The following BCHE variants were observed in gnomAD, a reference collection of about 807,000 sequenced individuals.
BCHE encodes cholinesterase.
A neutral mutation model predicts 51.3 loss-of-function variants in BCHE; 48 were observed. The observed-to-expected ratio is 0.94, with a 90% confidence interval of 0.74 to 1.19. BCHE has a LOEUF of 1.19. Ranked by LOEUF, BCHE falls within the 50% of genes most tolerant of loss-of-function variation. BCHE has a pLI of 0.00. For missense variants in BCHE, 847 were observed against 708.2 expected (o/e 1.20, Z -2.23); for synonymous variants, 251 against 238.0 (o/e 1.05, Z -0.50).
intron 2 of BCHE, among the ~76,000 whole-genome samples, chr3:165,803,254 T>C (rs1713736284): frequency 6.6e-6 from 1 of 152,072 alleles, no homozygotes; most frequent in Admixed American, 6.6e-5. Flanking sequence ...AAACGAAAAG[T>C]CCCATCTTTT....
In BCHE at chr3:165,774,175, A is replaced by C. The variant is rs1409017957; in HGVS notation, c.1685-669T>G. Among the ~76,000 whole-genome samples, 4 of 152,264 alleles carry C rather than the reference A, an allele frequency of 2.6e-5. No homozygotes were observed. The East Asian group carries it at 7.7e-4, about 29-fold the overall frequency. ...GTCTGTATATGTTTAGTATAGATGT[A>C]TTTATTTATCAAATGTTTTTGACTC... On this transcript the variant is annotated intron_variant, in intron 3 of 3. Coordinates refer to ENST00000264381, the MANE Select transcript of BCHE (RefSeq NM_000055.4).
rs1712948148 is a variant in BCHE at position 165,786,289 on chromosome 3, T to A, written c.1540A>T (p.Asn514Tyr). ...TTGAAGACAGGCCAGCTTGTGCTATTGTTCTGAGTCTCATTTGGATTCCTA... is the reference window on the plus strand; with the variant it reads ...TTGAAGACAGGCCAGCTTGTGCTATAGTTCTGAGTCTCATTTGGATTCCTA... The part of the protein sequence containing the change: ...KYGNPNETQN[N>Y]STSWPVFKST... The change falls in exon 3 of 4, where the codon AAT becomes TAT. Residue 514 changes from asparagine (N) to tyrosine (Y), a missense_variant. Transcript: ENST00000264381. 6.2e-7 allele frequency: 1 copy of A among 1,611,570 alleles called. No homozygotes were observed. Among genetic ancestry groups the A allele is most frequent in the Non-Finnish European group, 8.5e-7 (1 of 1,178,306 alleles).
At chr3:165,784,540 C>G (rs1712866341) in intron 3 of BCHE, among the ~76,000 whole-genome samples, 2 of 151,812 alleles carry the variant, frequency 1.3e-5, no homozygotes, top group Non-Finnish European at 1.5e-5. Flanking sequence ...TAGAGCTCAG[C>G]GTTACACAAG....
intron 2 of BCHE, among the ~76,000 whole-genome samples, chr3:165,802,053 T>A (rs138599266): frequency 1.7e-3 from 265 of 152,302 alleles, no homozygotes; most frequent in African/African-American, 6.2e-3. Flanking sequence ...TTCATTAATG[T>A]CCCCAACTTG....
chr3:165,781,429 G>A (rs1712694100), intron 3 of BCHE, among the ~76,000 whole-genome samples: 1 of 152,112 alleles, frequency 6.6e-6, no homozygotes. Context: ...AATGTCCTTT[G>A]CAGGGACATG....
intron 2 of BCHE, among the ~76,000 whole-genome samples, chr3:165,796,576 T>A (rs937214251): frequency 1.3e-5 from 2 of 152,204 alleles, no homozygotes; most frequent in African/African-American, 2.4e-5. Flanking sequence ...CAAATCAAAA[T>A]CTTCACGTAT....
At chr3:165,799,950 C>T (rs565450966) in intron 2 of BCHE, among the ~76,000 whole-genome samples, 1 of 151,940 alleles carries the variant, frequency 6.6e-6, no homozygotes, top group South Asian at 2.1e-4. Flanking sequence ...AAAAATATCC[C>T]ATCCATATTT....
intron 2 of BCHE, among the ~76,000 whole-genome samples, chr3:165,792,619 A>C (rs1300863403): frequency 6.6e-6 from 1 of 152,180 alleles, no homozygotes; most frequent in Admixed American, 6.5e-5. Flanking sequence ...TAATATTAAT[A>C]TAGATTTGAA....
At chr3:165,789,576 A>G (rs1713092089) in intron 2 of BCHE, among the ~76,000 whole-genome samples, 1 of 152,180 alleles carries the variant, frequency 6.6e-6, no homozygotes, top group Non-Finnish European at 1.5e-5. Context: ...AGTAAGCTAT[A>G]GTAATTTTTG....
rs142871548 is a variant in BCHE, at chr3:165,780,651, T to C, written c.1684+5494A>G. On this transcript the variant is annotated intron_variant, in intron 3 of 3. Transcript: ENST00000264381. ...AAGACATTTATGTGGCCAACAAATG[T>C]ATGAAAAAAAGCTCAACATCACTGA... is the stretch of plus-strand genomic sequence containing the variant. Among the ~76,000 whole-genome samples, 1,134 of 151,916 alleles carry C rather than the reference T, an allele frequency of 7.5e-3. 7 individuals are homozygous for C. The highest frequency in any genetic ancestry group is 0.022 in the South Asian group (106 of 4,824).
chr3:165,818,880 T>C (rs1714406169), intron 2 of BCHE, among the ~76,000 whole-genome samples: 1 of 152,052 alleles, frequency 6.6e-6, no homozygotes, highest in Admixed American at 6.6e-5. Context: ...AATAGAGACA[T>C]AGAGGGAACA....
At chr3:165,804,132 A>G (rs1341010192) in intron 2 of BCHE, among the ~76,000 whole-genome samples, 2 of 152,162 alleles carry the variant, frequency 1.3e-5, no homozygotes, top group Non-Finnish European at 1.5e-5. Context: ...GAGAGAGACT[A>G]CACACACATC....
rs145697620 is a variant in BCHE at position 165,829,420 on chromosome 3, C to A, written c.1517+97G>T. Reference sequence around the variant, plus strand: ...AATAGAACAAATAATTAAAACATTTCTGTGTCTTTATACTAAAGTCTACCC... The same window carrying A: ...AATAGAACAAATAATTAAAACATTTATGTGTCTTTATACTAAAGTCTACCC... On this transcript the variant is annotated intron_variant, in intron 2 of 3. Coordinates refer to ENST00000264381, the MANE Select transcript of BCHE (RefSeq NM_000055.4). 1.3e-3 allele frequency: 1,407 copies of A among 1,077,378 alleles called. 17 individuals are homozygous for A. The Admixed American group carries it at 0.015, about 12-fold the overall frequency. The allele number at this position is 1,077,378 out of a possible 1,614,324, so 66.7% of individuals were successfully genotyped here.
chr3:165,775,672 C>G (rs1327898532), intron 3 of BCHE, among the ~76,000 whole-genome samples: 1 of 151,748 alleles, frequency 6.6e-6, no homozygotes, highest in Non-Finnish European at 1.5e-5. Context: ...CATAAATTTA[C>G]ATTTTTTCCT....
chr3:165,836,532 A>T (rs575323480), intron 1 of BCHE, among the ~76,000 whole-genome samples: 1 of 152,012 alleles, frequency 6.6e-6, no homozygotes, highest in East Asian at 1.9e-4. Flanking sequence ...TCATTCATAG[A>T]TTTTATAATC....
At chr3:165,794,471 C>T (rs1713293015) in intron 2 of BCHE, among the ~76,000 whole-genome samples, 1 of 152,130 alleles carries the variant, frequency 6.6e-6, no homozygotes, top group South Asian at 2.1e-4. Flanking sequence ...AATTCAAAAT[C>T]AAGGCATTGG....
In BCHE at chr3:165,829,723, G is replaced by A. The variant is rs1010031255; in HGVS notation, c.1311C>T (p.Phe437=). The change falls in exon 2 of 4, where the codon TTC becomes TTT. Residue 437 remains phenylalanine (F), a synonymous_variant. Coordinates refer to ENST00000264381, the MANE Select transcript of BCHE (RefSeq NM_000055.4). ...AAAAGGCATTATTTCCCCATTCTGAGAACTTCTTGGTGAACTCCAAGGCAG... is the reference window on the plus strand; with the variant it reads ...AAAAGGCATTATTTCCCCATTCTGAAAACTTCTTGGTGAACTCCAAGGCAG... The part of the protein sequence containing the change: ...ICPALEFTKK[F]SEWGNNAFFY... The A allele has an allele frequency of 5.0e-6, 8 of 1,613,754 alleles. No individual in the cohort carries two copies. Among genetic ancestry groups the A allele is most frequent in the African/African-American group, 1.3e-5 (1 of 74,858 alleles).
At chr3:165,788,192 A>G (rs1713029891) in intron 2 of BCHE, among the ~76,000 whole-genome samples, 2 of 152,010 alleles carry the variant, frequency 1.3e-5, no homozygotes, top group South Asian at 4.1e-4. Flanking sequence ...ACATTCATCC[A>G]GTATGGTTAT....
chr3:165,792,628 A>G (rs888649844), intron 2 of BCHE, among the ~76,000 whole-genome samples: 10 of 152,156 alleles, frequency 6.6e-5, no homozygotes, highest in Admixed American at 1.3e-4. Context: ...TATAGATTTG[A>G]AATTATTTTG....
Sources: gnomAD v4.1 joint callset for allele counts (sites outside exome capture counted in the v4.1 genomes callset) on GRCh38, gnomAD v4.1.1 for gene constraint, MANE v1.5 for transcripts, NCBI Gene and HGNC (gene_info 2026-07-23, HGNC 2026-07-21) for gene names.